ZFYVE28: variants seen among roughly 807,000 people sequenced by gnomAD.
ZFYVE28 encodes the protein zinc finger FYVE-type containing 28, also known as lateral signaling target protein 2 homolog.
A neutral mutation model predicts 82.1 loss-of-function variants in ZFYVE28; 40 were observed. The observed-to-expected ratio is 0.49, with a 90% confidence interval of 0.38 to 0.63. The LOEUF is 0.63. ZFYVE28 is among the 30% of genes least tolerant of loss of function. ZFYVE28 has a pLI of 0.00. For missense variants in ZFYVE28, 1,321 were observed against 1,242.1 expected, an observed-to-expected ratio of 1.06 and a Z score of -0.96; for synonymous variants, 612 against 546.1, an observed-to-expected ratio of 1.12 and a Z score of -1.68.
intron 7 of ZFYVE28, among the ~76,000 whole-genome samples, chr4:2,315,610 G>C (rs1363663595): frequency 6.6e-6 from 1 of 152,188 alleles, no homozygotes. Flanking sequence ...TTCACTGCTT[G>C]TCAGCTTCCA....
intron 1 of ZFYVE28, among the ~76,000 whole-genome samples, chr4:2,413,152 T>C (rs1431229586): frequency 2.0e-5 from 3 of 152,154 alleles, no homozygotes; most frequent in Admixed American, 2.0e-4. Flanking sequence ...AGGCAAGGCA[T>C]GTGAGGTCCC....
chr4:2,373,327 C>T (rs1428223365), intron 1 of ZFYVE28, among the ~76,000 whole-genome samples: 1 of 151,816 alleles, frequency 6.6e-6, no homozygotes, highest in Middle Eastern at 3.2e-3. Flanking sequence ...GTGAGACCTA[C>T]ATCTCTACAA....
intron 6 of ZFYVE28, among the ~76,000 whole-genome samples, chr4:2,328,146 T>C (rs1720149707): frequency 6.6e-6 from 1 of 152,234 alleles, no homozygotes; most frequent in South Asian, 2.1e-4. Context: ...AGCTAAGTTA[T>C]GAAATCAACC....
chr4:2,411,276 A>G (rs773502694), intron 1 of ZFYVE28, among the ~76,000 whole-genome samples: 2 of 152,138 alleles, frequency 1.3e-5, no homozygotes, highest in Non-Finnish European at 2.9e-5. Flanking sequence ...GCAGGAAAAC[A>G]ATGAGAAATG....
intron 1 of ZFYVE28, among the ~76,000 whole-genome samples, chr4:2,396,764 G>A (rs1730512837): frequency 6.8e-6 from 1 of 146,284 alleles, no homozygotes; most frequent in South Asian, 2.3e-4. Context: ...CAGCCATCCT[G>A]CAGAGGGGAC....
chr4:2,397,581 C>T (rs144400371), intron 1 of ZFYVE28, among the ~76,000 whole-genome samples: 31 of 152,292 alleles, frequency 2.0e-4, no homozygotes, highest in African/African-American at 4.6e-4. Flanking sequence ...TAAACACTCA[C>T]GCCCGCTCCC....
chr4:2,315,894 A>T (rs565866927), intron 7 of ZFYVE28, among the ~76,000 whole-genome samples: 27 of 151,592 alleles, frequency 1.8e-4, no homozygotes, highest in Non-Finnish European at 3.4e-4. Flanking sequence ...TCTTTCTGGG[A>T]TTCCAATTAT....
intron 7 of ZFYVE28, among the ~76,000 whole-genome samples, chr4:2,308,627 C>CAGAAAGAAAGAA (rs58958771): frequency 0.023 from 1,845 of 79,458 alleles, 86 homozygotes; most frequent in East Asian, 0.12. Context: ...AGAAAGAAGA[C>CAGAAAGAAAGAA]AGAAAGAAAG....
At chr4:2,370,768 C>T (rs1313289434) in intron 1 of ZFYVE28, among the ~76,000 whole-genome samples, 1 of 152,224 alleles carries the variant, frequency 6.6e-6, no homozygotes, top group Non-Finnish European at 1.5e-5. Context: ...CAGTCTGGGG[C>T]GCCAGATTGC....
At chr4:2,288,340 C>G (rs1025328188) in intron 8 of ZFYVE28, among the ~76,000 whole-genome samples, 2 of 152,246 alleles carry the variant, frequency 1.3e-5, no homozygotes, top group African/African-American at 4.8e-5. Context: ...AACCTCATCT[C>G]TAATGAGGGC....
At chr4:2,299,762 T>C (rs961690565) in intron 8 of ZFYVE28, among the ~76,000 whole-genome samples, 5 of 148,172 alleles carry the variant, frequency 3.4e-5, no homozygotes, top group African/African-American at 1.3e-4. Flanking sequence ...AAAATAAAAC[T>C]GTTCATAAGA....
chr4:2,293,772 T>A (rs60988239), intron 8 of ZFYVE28, among the ~76,000 whole-genome samples: 76,831 of 136,574 alleles, frequency 0.56, 22,086 homozygotes, highest in Admixed American at 0.59. Flanking sequence ...AAAAAAAAAA[T>A]CTTCTAGAAG....
At chr4:2,278,779 T>G (rs73797463) in intron 8 of ZFYVE28, among the ~76,000 whole-genome samples, 7,047 of 150,140 alleles carry the variant, frequency 0.047, 326 homozygotes, top group African/African-American at 0.11. Context: ...ACTGAACAAA[T>G]GGAAAACGGA....
chr4:2,356,362 G>A (rs1725316560), intron 1 of ZFYVE28, among the ~76,000 whole-genome samples: 1 of 151,900 alleles, frequency 6.6e-6, no homozygotes, highest in African/African-American at 2.4e-5. Context: ...GAGCCGATCT[G>A]GACCTGGGAC....
intron 6 of ZFYVE28, among the ~76,000 whole-genome samples, chr4:2,322,873 C>T (rs889329505): frequency 1.3e-5 from 2 of 152,182 alleles, no homozygotes; most frequent in Non-Finnish European, 2.9e-5. Context: ...TTTCACTTTG[C>T]ACCACGTTTT....
chr4:2,308,671 AAGAAAG>A (rs1191667958), intron 7 of ZFYVE28, among the ~76,000 whole-genome samples: 2 of 111,226 alleles, frequency 1.8e-5, no homozygotes, highest in African/African-American at 7.6e-5. Context: ...GAAAGAAAGA[AAGAAAG>A]AGAAAGAAAG....
rs1041274711 is a variant in ZFYVE28, at chr4:2,398,683, G to A, written c.39+19602C>T. 8.0e-5 allele frequency among the ~76,000 whole-genome samples: 3 copies of A among 37,706 alleles called. 1 individual carries two copies. The highest frequency in any genetic ancestry group is 3.3e-4 in the African/African-American group (3 of 9,166). 24.7% of individuals were successfully genotyped at this position (37,706 alleles called of 152,430 possible). A position where few individuals can be genotyped will look rare whatever the true frequency, so the allele number is the denominator to read the frequency against. ...GGGTACGAGGAGGAGCGAGATCCAGGGCACAATGGGGGGTCGAGATCCAGG... is the reference window on the plus strand; with the variant it reads ...GGGTACGAGGAGGAGCGAGATCCAGAGCACAATGGGGGGTCGAGATCCAGG... On this transcript the variant is annotated intron_variant, in intron 1 of 12. Transcript: ENST00000290974.
chr4:2,337,601 TG>T, intron 4 of ZFYVE28, 105 bp from the exon 5 acceptor site: 1 of 725,564 alleles, frequency 1.4e-6, no homozygotes, highest in Non-Finnish European at 2.1e-6. Context: ...CTGGGCAAGG[TG>T]GGGGCGGGGG....
intron 7 of ZFYVE28, among the ~76,000 whole-genome samples, chr4:2,315,478 C>T (rs1194032719): frequency 3.3e-5 from 5 of 151,624 alleles, no homozygotes; most frequent in South Asian, 2.1e-4. Flanking sequence ...TTCACCATGT[C>T]GGCCAGGCTG....
Sources: allele counts gnomAD v4.1 joint callset (sites outside exome capture counted in the v4.1 genomes callset), GRCh38; gene constraint gnomAD v4.1.1; transcripts MANE v1.5; gene names NCBI Gene and HGNC (gene_info 2026-07-23, HGNC 2026-07-21).